SCN1A: variants seen among roughly 807,000 people sequenced by gnomAD.
SCN1A encodes sodium channel protein type 1 subunit alpha.
In SCN1A, 13 loss-of-function variants were observed where a neutral mutation model predicts 193.7. The observed-to-expected ratio is 0.07, with a 90% CI of 0.04 to 0.11. SCN1A has a LOEUF of 0.11. SCN1A is among the 10% of genes least tolerant of loss of function. The pLI is 1.00. For missense variants in SCN1A, 1,432 were observed against 2,451.1 expected (o/e 0.58, Z 8.78); for synonymous variants, 781 against 843.6 (o/e 0.93, Z 1.29).
rs2106279397 is a variant in SCN1A, at chr2:166,127,842, C to A, written c.-300G>T. The A allele has an allele frequency of 6.6e-6, 1 of 152,170 alleles. No individual in the cohort carries two copies. The allele number at this position is 152,170 out of a possible 1,614,324, so 9.4% of individuals were successfully genotyped here. A position where few individuals can be genotyped will look rare whatever the true frequency, so the allele number is the denominator to read the frequency against. On this transcript the variant is annotated 5_prime_UTR_variant, in exon 1 of 29. Transcript: ENST00000674923. ...CCAAAGACGAGATGATAACAATGTG[C>A]CTTCAGTTGCAATTGTTCAGATTCC...
chr2:166,127,176 T>C (rs1418659575), intron 1 of SCN1A, 166 bp from the exon 2 acceptor site: 2 of 152,164 alleles, frequency 1.3e-5, no homozygotes, highest in East Asian at 1.9e-4. Context: ...TGTGGCTCAA[T>C]AGGAGTTGGC....
chr2:166,016,817 G>A (rs533377681), intron 19 of SCN1A, among the ~76,000 whole-genome samples: 24 of 151,820 alleles, frequency 1.6e-4, no homozygotes, highest in Admixed American at 1.4e-3. Flanking sequence ...CCCGACAATA[G>A]GCATTCCAGT....
At chr2:166,031,710 T>C (rs1559182667) in intron 19 of SCN1A, among the ~76,000 whole-genome samples, 1 of 152,082 alleles carries the variant, frequency 6.6e-6, no homozygotes, top group African/African-American at 2.4e-5. Flanking sequence ...CTGGTAACAA[T>C]AATAATGATG....
intron 1 of SCN1A, chr2:166,137,577 T>A (rs1232456095): frequency 6.5e-6 from 1 of 152,692 alleles, no homozygotes; most frequent in Non-Finnish European, 1.5e-5. Context: ...ATGTGAGATG[T>A]GACTTGCTCC....
chr2:166,133,227 C>T (rs2106289853), intron 1 of SCN1A, among the ~76,000 whole-genome samples: 1 of 152,248 alleles, frequency 6.6e-6, no homozygotes, highest in South Asian at 2.1e-4. Flanking sequence ...CCTCTGCCTT[C>T]CCTGCTATCG....
At chr2:166,125,652 T>C (rs1458006394) in intron 2 of SCN1A, among the ~76,000 whole-genome samples, 3 of 152,192 alleles carry the variant, frequency 2.0e-5, no homozygotes, top group African/African-American at 7.2e-5. Context: ...TTGGTGGTGA[T>C]AGAGTTTACT....
In SCN1A at chr2:165,985,881, A is replaced by G. The variant is rs940247856; in HGVS notation, c.*5364T>C. Reference sequence around the variant, plus strand: ...AAATTCCAGTGCACACATGAAGAATATGCAATTACCAGACATATTTGCTGT... The same window carrying G: ...AAATTCCAGTGCACACATGAAGAATGTGCAATTACCAGACATATTTGCTGT... On this transcript the variant is annotated 3_prime_UTR_variant, in exon 29 of 29. Coordinates refer to ENST00000674923, the MANE Select transcript of SCN1A (RefSeq NM_001165963.4). 6.6e-6 allele frequency: 1 copy of G among 152,172 alleles called. No homozygotes were observed. The highest frequency in any genetic ancestry group is 1.5e-5 in the Non-Finnish European group (1 of 67,994). 9.4% of individuals were successfully genotyped at this position (152,172 alleles called of 1,614,324 possible). A position where few individuals can be genotyped will look rare whatever the true frequency, so the allele number is the denominator to read the frequency against.
chr2:166,007,958 C>T (rs548257784), intron 23 of SCN1A, among the ~76,000 whole-genome samples: 4 of 151,118 alleles, frequency 2.6e-5, no homozygotes, highest in East Asian at 3.9e-4. Context: ...TCAATTATAA[C>T]GTTATTTTGA....
At chr2:166,103,056 T>G (rs1688283574) in intron 2 of SCN1A, among the ~76,000 whole-genome samples, 1 of 146,372 alleles carries the variant, frequency 6.8e-6, no homozygotes, top group African/African-American at 2.5e-5. Context: ...AAGCCTGACT[T>G]TAGATTTGGG....
At chr2:166,043,410 A>C (rs1040692670) in intron 14 of SCN1A, among the ~76,000 whole-genome samples, 1 of 152,234 alleles carries the variant, frequency 6.6e-6, no homozygotes, top group African/African-American at 2.4e-5. Context: ...GTATATAGCA[A>C]ATCCTCCAAC....
At chr2:166,050,649 A>G (rs1185917161) in intron 9 of SCN1A, among the ~76,000 whole-genome samples, 1 of 124,814 alleles carries the variant, frequency 8.0e-6, no homozygotes, top group East Asian at 2.3e-4. Context: ...GTGTGTATAT[A>G]TTTTTTTTTT....
intron 21 of SCN1A, 36 bp from the exon 22 acceptor site, chr2:166,012,318 A>G: frequency 6.7e-7 from 1 of 1,496,352 alleles, no homozygotes. Flanking sequence ...TAGCTTTCAA[A>G]AATAATTATA....
chr2:166,055,613 G>T (rs1699055886), intron 6 of SCN1A, among the ~76,000 whole-genome samples: 1 of 151,936 alleles, frequency 6.6e-6, no homozygotes, highest in South Asian at 2.1e-4. Context: ...TCAATTGAAG[G>T]TAATGGCAAA....
At chr2:166,106,835 G>A (rs1482604844) in intron 2 of SCN1A, among the ~76,000 whole-genome samples, 1 of 152,102 alleles carries the variant, frequency 6.6e-6, no homozygotes, top group Non-Finnish European at 1.5e-5. Flanking sequence ...TCCTCCTGCA[G>A]TGACCCTTCA....
Position 166,053,185 on chromosome 2 carries a change from A to G in SCN1A, c.603-242T>C, listed in dbSNP as rs2217199. ...TTTTAGCAGGATTTATATTACTTGCATGGGTCTTTTATAAAGACCTTCTTG... is the reference window on the plus strand; with the variant it reads ...TTTTAGCAGGATTTATATTACTTGCGTGGGTCTTTTATAAAGACCTTCTTG... On this transcript the variant is annotated intron_variant, in intron 7 of 28. Transcript: ENST00000674923. The G allele has an allele frequency of 0.53, 399,990 of 760,782 alleles. 106,998 individuals carry two copies. Among genetic ancestry groups the G allele is most frequent in the South Asian group, 0.55 (35,221 of 63,892 alleles). 47.1% of individuals were successfully genotyped at this position (760,782 alleles called of 1,614,324 possible). A position where few individuals can be genotyped will look rare whatever the true frequency, so the allele number is the denominator to read the frequency against.
intron 24 of SCN1A, among the ~76,000 whole-genome samples, chr2:166,000,992 A>T (rs961504669): frequency 1.3e-5 from 2 of 151,646 alleles, no homozygotes; most frequent in Admixed American, 1.3e-4. Context: ...ATTGCTTAAA[A>T]TTTTTAATTT....
chr2:166,065,959 G>A (rs1437516735), intron 4 of SCN1A, among the ~76,000 whole-genome samples: 1 of 152,116 alleles, frequency 6.6e-6, no homozygotes, highest in Admixed American at 6.6e-5. Flanking sequence ...ACATGTCTGT[G>A]GACTCCATGC....
At chr2:166,112,009 T>C in intron 2 of SCN1A, among the ~76,000 whole-genome samples, 1 of 152,164 alleles carries the variant, frequency 6.6e-6, no homozygotes, top group East Asian at 1.9e-4. Context: ...GTGAAGATGC[T>C]GAGGACATTG....
intron 22 of SCN1A, 128 bp downstream of exon 22, chr2:166,011,981 A>G: frequency 1.3e-6 from 1 of 789,320 alleles, no homozygotes; most frequent in Non-Finnish European, 2.2e-6. Context: ...CTCTCATTGC[A>G]TATATGCGTT....
Sources: allele counts gnomAD v4.1 joint callset (sites outside exome capture counted in the v4.1 genomes callset), GRCh38; gene constraint gnomAD v4.1.1; transcripts MANE v1.5; gene names NCBI Gene and HGNC (gene_info 2026-07-23, HGNC 2026-07-21).